The following TAFA2 variants were observed in gnomAD, a reference collection of about 807,000 sequenced individuals.
TAFA2 encodes the protein TAFA chemokine like family member 2.
TAFA2 carries 7 observed loss-of-function variants against 18.8 expected under a neutral mutation model. The ratio of observed to expected loss-of-function variants is 0.37; its 90% CI spans 0.21 to 0.70. The LOEUF (loss-of-function observed/expected upper bound fraction) is 0.70. Ranked by LOEUF, TAFA2 falls within the 30% of genes least tolerant of loss-of-function variation. The probability of loss-of-function intolerance (pLI) is 0.53; values close to 1 mark genes in which losing one functional copy is unlikely to be tolerated. For missense variants in TAFA2, 122 were observed against 158.1 expected (o/e 0.77, Z 1.23); for synonymous variants, 60 against 54.2 (o/e 1.11, Z -0.47).
chr12:61,947,053 A>C (rs1054269004), intron 1 of TAFA2, among the ~76,000 whole-genome samples: 2 of 49,812 alleles, frequency 4.0e-5, no homozygotes, highest in African/African-American at 2.1e-4. Context: ...ACTTGGAACC[A>C]ACCCAAATGT....
chr12:61,948,822 G>C (rs1243791430), intron 1 of TAFA2, among the ~76,000 whole-genome samples: 1 of 152,250 alleles, frequency 6.6e-6, no homozygotes, highest in East Asian at 1.9e-4. Flanking sequence ...CTTAGCTCTA[G>C]AGCCCATGCT....
At chr12:62,230,834 G>C (rs2062809234) in intron 1 of TAFA2, among the ~76,000 whole-genome samples, 1 of 152,058 alleles carries the variant, frequency 6.6e-6, no homozygotes. Context: ...GTACCACTAG[G>C]TCTGACTAAT....
intron 2 of TAFA2, among the ~76,000 whole-genome samples, chr12:61,793,164 C>G (rs966189252): frequency 6.6e-6 from 1 of 151,378 alleles, no homozygotes; most frequent in Non-Finnish European, 1.5e-5. Flanking sequence ...GAATAAAGAT[C>G]TCAAAACAAT....
At chr12:61,947,363 C>A (rs1386606238) in intron 1 of TAFA2, among the ~76,000 whole-genome samples, 10 of 148,810 alleles carry the variant, frequency 6.7e-5, no homozygotes, top group Admixed American at 6.7e-4. Flanking sequence ...TGCTAGATGA[C>A]GAGTTAGTGG....
At position 62,240,987 on chromosome 12, in the gene TAFA2, A is replaced by G. The variant is rs538735982; in HGVS notation, c.-130+17776T>C. On this transcript the variant is annotated intron_variant, in intron 1 of 5. Coordinates refer to the TAFA2 transcript ENST00000551619. ...ACTATTCTCCCACCCAAGTTTGTGG[A>G]AAAATTGTCCTCCAGGAAACCAGTC... 3.3e-5 allele frequency among the ~76,000 whole-genome samples: 5 copies of G among 152,348 alleles called. No homozygotes were observed. The East Asian group carries it at 5.8e-4, about 18-fold the overall frequency.
chr12:61,955,636 T>A lies in TAFA2; in HGVS notation c.-1-88210A>T, dbSNP rs12372808. Among the ~76,000 whole-genome samples the A allele has an allele frequency of 6.3e-3, 80 of 12,774 alleles. 5 individuals are homozygous for A. The highest frequency in any genetic ancestry group is 0.019 in the East Asian group (5 of 264). The allele number at this position is 12,774 out of a possible 152,430, so 8.4% of individuals were successfully genotyped here. A position where few individuals can be genotyped will look rare whatever the true frequency, so the allele number is the denominator to read the frequency against. On this transcript the variant is annotated intron_variant, in intron 1 of 4. Coordinates refer to ENST00000416284, the MANE Select transcript of TAFA2 (RefSeq NM_178539.5). ...AAAAAAAAAAAAAAAAAAAAAAATA[T>A]ATATATATATATATATATATATATA...
intron 1 of TAFA2, among the ~76,000 whole-genome samples, chr12:62,092,467 G>T (rs1464913107): frequency 6.6e-6 from 1 of 151,844 alleles, no homozygotes; most frequent in Non-Finnish European, 1.5e-5. Context: ...CCTCCAGTTT[G>T]ATAAATCCCA....
intron 1 of TAFA2, among the ~76,000 whole-genome samples, chr12:62,222,150 G>A (rs1298770247): frequency 1.3e-5 from 2 of 152,128 alleles, no homozygotes; most frequent in East Asian, 3.9e-4. Flanking sequence ...CCTCACAGAT[G>A]CCTACCTGTG....
chr12:62,186,320 T>C (rs1294427798), intron 1 of TAFA2, among the ~76,000 whole-genome samples: 1 of 152,056 alleles, frequency 6.6e-6, no homozygotes, highest in Non-Finnish European at 1.5e-5. Context: ...GCAGCAAATA[T>C]ATATATATTT....
chr12:62,008,909 T>C (rs1880643066), intron 1 of TAFA2, among the ~76,000 whole-genome samples: 1 of 152,140 alleles, frequency 6.6e-6, no homozygotes, highest in South Asian at 2.1e-4. Flanking sequence ...ATGACAGAAA[T>C]TGATAGAAAG....
intron 1 of TAFA2, among the ~76,000 whole-genome samples, chr12:61,893,305 G>A (rs1875710644): frequency 2.6e-5 from 4 of 152,196 alleles, no homozygotes; most frequent in Admixed American, 2.6e-4. Context: ...TGGGAGGAAA[G>A]TAGGAGGAAC....
chr12:61,757,097 T>C (rs914609070), intron 2 of TAFA2, among the ~76,000 whole-genome samples: 1 of 152,074 alleles, frequency 6.6e-6, no homozygotes, highest in Non-Finnish European at 1.5e-5. Context: ...CATCTATCTA[T>C]TAGAATTTTA....
At chr12:62,224,082 TACACACACACAC>T (rs144010764) in intron 1 of TAFA2, among the ~76,000 whole-genome samples, 50 of 142,572 alleles carry the variant, frequency 3.5e-4, no homozygotes, top group East Asian at 1.7e-3. Context: ...TATATGTGCA[TACACACACACAC>T]ACACACACAC....
At chr12:62,169,716 T>C (rs1202580281) in intron 1 of TAFA2, among the ~76,000 whole-genome samples, 2 of 151,766 alleles carry the variant, frequency 1.3e-5, no homozygotes, top group African/African-American at 2.4e-5. Context: ...CCTGGCATAG[T>C]GGTGAGTGCC....
At chr12:62,150,021 C>T (rs988024325) in intron 1 of TAFA2, among the ~76,000 whole-genome samples, 1 of 152,162 alleles carries the variant, frequency 6.6e-6, no homozygotes. Flanking sequence ...TTAGGTTTGC[C>T]TTTAGCCTCC....
chr12:61,740,348 G>T (rs1396412703), intron 4 of TAFA2, among the ~76,000 whole-genome samples: 2 of 152,030 alleles, frequency 1.3e-5, no homozygotes, highest in African/African-American at 2.4e-5. Flanking sequence ...TGGGAGGCAA[G>T]GGGTGGGAGA....
At chr12:61,972,638 T>A (rs564550004) in intron 1 of TAFA2, among the ~76,000 whole-genome samples, 1 of 151,722 alleles carries the variant, frequency 6.6e-6, no homozygotes, top group African/African-American at 2.4e-5. Flanking sequence ...ATGAAGAATC[T>A]GTACTGGAAA....
At chr12:61,733,590 C>T (rs1435765812) in intron 4 of TAFA2, among the ~76,000 whole-genome samples, 16 of 147,220 alleles carry the variant, frequency 1.1e-4, no homozygotes, top group Admixed American at 4.8e-4. Context: ...TGTAGATATG[C>T]GGCGTTATTT....
At chr12:61,936,059 A>T (rs1354546466) in intron 1 of TAFA2, among the ~76,000 whole-genome samples, 1 of 152,192 alleles carries the variant, frequency 6.6e-6, no homozygotes, top group African/African-American at 2.4e-5. Context: ...GAAAAAAGAA[A>T]ATCACAGTCC....
Sources: allele counts gnomAD v4.1 joint callset (sites outside exome capture counted in the v4.1 genomes callset), GRCh38; gene constraint gnomAD v4.1.1; transcripts MANE v1.5; gene names NCBI Gene and HGNC (gene_info 2026-07-23, HGNC 2026-07-21).